Variants in OAS2 observed in about 807,000 individuals in gnomAD.
The protein encoded by OAS2 is 2'-5'-oligoadenylate synthase 2.
In OAS2, 67 loss-of-function variants were observed where a neutral mutation model predicts 71.3. The ratio of observed to expected loss-of-function variants is 0.94; its 90% CI spans 0.77 to 1.15. The LOEUF (loss-of-function observed/expected upper bound fraction) is 1.15, where lower values mean the gene tolerates loss of function less well. OAS2 is among the 50% of genes most tolerant of loss of function. OAS2 has a pLI of 0.00. For synonymous variants in OAS2, 327 were observed against 321.8 expected, an observed-to-expected ratio of 1.02 and a Z score of -0.17; for missense variants, 789 against 822.5, an observed-to-expected ratio of 0.96 and a Z score of 0.50.
chr12:112,998,633 C>G (rs538686662), intron 5 of OAS2, among the ~76,000 whole-genome samples: 1 of 152,312 alleles, frequency 6.6e-6, no homozygotes, highest in East Asian at 1.9e-4. Context: ...TCTGCAGGCC[C>G]TAGGGAAGAA....
Position 113,007,794 on chromosome 12 carries a change from A to G in OAS2, c.1746A>G (p.Gly582=), listed in dbSNP as rs377668159. The change falls in exon 9 of 10, where the codon GGA becomes GGG. Residue 582 remains glycine, a synonymous_variant. Transcript: ENST00000392583. ...TCTATGCCTGGGAGCAGGGGAGTGGAGTGCCGGATTTTGACACTGCAGAAG... is the reference window on the plus strand; with the variant it reads ...TCTATGCCTGGGAGCAGGGGAGTGGGGTGCCGGATTTTGACACTGCAGAAG... ...LTIYAWEQGS[G]VPDFDTAEGF... 2.4e-5 allele frequency: 38 copies of G among 1,614,064 alleles called. No homozygotes were observed. In the African/African-American group the frequency reaches 4.1e-4, roughly 18 times the overall value.
At chr12:112,985,333 C>T (rs548474176) in intron 1 of OAS2, among the ~76,000 whole-genome samples, 2 of 152,276 alleles carry the variant, frequency 1.3e-5, no homozygotes, top group African/African-American at 4.8e-5. Flanking sequence ...AGGCTTTCTT[C>T]ACTCATTTTT....
chr12:113,005,416 GC>G (rs2044323051), intron 7 of OAS2, among the ~76,000 whole-genome samples, 194 bp downstream of exon 7: 1 of 152,016 alleles, frequency 6.6e-6, no homozygotes, highest in Admixed American at 6.6e-5. Context: ...CAAGCATGGG[GC>G]TGTGTGCCTA....
In OAS2 at chr12:112,997,633, C is replaced by T. The variant is rs186959227; in HGVS notation, c.741C>T (p.Gly247=). 105 of 1,614,094 alleles carry T rather than the reference C, an allele frequency of 6.5e-5. No individual in the cohort carries two copies. In the East Asian group the frequency reaches 1.6e-3, roughly 25 times the overall value. ...CRKDNFDIAE[G]VRTVLELIKC... ...AAGACAACTTTGACATTGCTGAAGGCGTCAGAACCGTACTGGAGCTGATCA... is the reference window on the plus strand; with the variant it reads ...AAGACAACTTTGACATTGCTGAAGGTGTCAGAACCGTACTGGAGCTGATCA... The change falls in exon 4 of 10, where the codon GGC becomes GGT. Residue 247 remains glycine, a synonymous_variant. Transcript: ENST00000392583.
chr12:113,003,174 G>A (rs1593204959), intron 6 of OAS2, 72 bp downstream of exon 6: 13 of 1,497,130 alleles, frequency 8.7e-6, no homozygotes, highest in East Asian at 2.3e-5. Context: ...GAGGTAAGTG[G>A]GCATTGTAGC....
chr12:112,984,240 T>C (rs377200585), intron 1 of OAS2, among the ~76,000 whole-genome samples: 4 of 152,244 alleles, frequency 2.6e-5, no homozygotes, highest in African/African-American at 7.2e-5. Flanking sequence ...AATATACATA[T>C]ACATATATAT....
intron 4 of OAS2, 99 bp downstream of exon 4, chr12:112,997,854 C>T (rs2136387805): frequency 7.9e-6 from 8 of 1,017,384 alleles, no homozygotes; most frequent in Middle Eastern, 3.3e-4. Flanking sequence ...CAAGCCAGTG[C>T]TGGACCAGAA....
chr12:112,985,958 C>A (rs1683772217), intron 1 of OAS2, among the ~76,000 whole-genome samples: 1 of 152,092 alleles, frequency 6.6e-6, no homozygotes, highest in Non-Finnish European at 1.5e-5. Context: ...GGTGACAGAG[C>A]AAGACCCTGT....
At chr12:112,980,086 G>A (rs2044066500) in intron 1 of OAS2, among the ~76,000 whole-genome samples, 2 of 151,694 alleles carry the variant, frequency 1.3e-5, no homozygotes, top group African/African-American at 4.8e-5. Flanking sequence ...ATTCCATTAT[G>A]TGAATATTCC....
At position 113,009,368 on chromosome 12, in the gene OAS2, G is replaced by T. The variant is rs2044361238; in HGVS notation, c.*113G>T. 2.6e-6 allele frequency: 4 copies of T among 1,521,844 alleles called. No homozygotes were observed. Among genetic ancestry groups the T allele is most frequent in the Non-Finnish European group, 3.5e-6 (4 of 1,140,616 alleles). 94.3% of individuals were successfully genotyped at this position (1,521,844 alleles called of 1,614,324 possible). A position where few individuals can be genotyped will look rare whatever the true frequency, so the allele number is the denominator to read the frequency against. ...AATAAAGGAAACCCAGCTCACAGGAGCTTAAACAGCTGGTCAGCCCCCTAA... is the reference window on the plus strand; with the variant it reads ...AATAAAGGAAACCCAGCTCACAGGATCTTAAACAGCTGGTCAGCCCCCTAA... On this transcript the variant is annotated 3_prime_UTR_variant, in exon 10 of 10. Coordinates refer to ENST00000392583, the MANE Select transcript of OAS2 (RefSeq NM_002535.3).
rs750345576 is a variant in OAS2, at chr12:113,005,031, A to G, written c.1277A>G (p.Asn426Ser). Residue 426 changes from asparagine to serine, a missense_variant, in exon 7 of 10, where the codon AAC becomes AGC. Transcript: ENST00000392583. ...CTTAAAAGCTACACCTCCCAAAAAA[A>G]CGAGCGGCACAAAATCGTCAAGGAA... ...NSLKSYTSQK[N>S]ERHKIVKEIH... 2.5e-6 allele frequency: 4 copies of G among 1,614,084 alleles called. No homozygotes were observed. The African/African-American group carries it at 4.0e-5, about 16-fold the overall frequency.
Position 112,987,101 on chromosome 12 carries a change from T to C in OAS2, c.241T>C (p.Phe81Leu). Residue 81 changes from phenylalanine (F) to leucine (L), a missense_variant, in exon 2 of 10, where the codon TTC becomes CTC. Phe to Leu is a conservative substitution (Grantham distance 22, BLOSUM62 0). Coordinates refer to ENST00000392583, the MANE Select transcript of OAS2 (RefSeq NM_002535.3). ...GNSDGTLVLF[F>L]SDLKQFQDQK... Reference sequence around the variant, plus strand: ...CTCCGATGGTACCCTTGTCCTCTTCTTCAGTGACTTAAAACAATTCCAGGA... The same window carrying C: ...CTCCGATGGTACCCTTGTCCTCTTCCTCAGTGACTTAAAACAATTCCAGGA... The C allele has an allele frequency of 6.2e-7, 1 of 1,614,128 alleles. No homozygotes were observed. Among genetic ancestry groups the C allele is most frequent in the Non-Finnish European group, 8.5e-7 (1 of 1,180,006 alleles).
At position 113,010,541 on chromosome 12, in the gene OAS2, C is replaced by T; in HGVS notation, c.*1286C>T. 6.3e-7 allele frequency: 1 copy of T among 1,592,352 alleles called. No individual in the cohort carries two copies. Among genetic ancestry groups the T allele is most frequent in the South Asian group, 1.1e-5 (1 of 88,532 alleles). On this transcript the variant is annotated 3_prime_UTR_variant, in exon 10 of 10. Coordinates refer to ENST00000392583, the MANE Select transcript of OAS2 (RefSeq NM_002535.3). ...GCTCACCGTGAGAAAGAGTCACTCA[C>T]ATCCATTCTTCCCTTGATGGTCCCT...
chr12:112,989,248 C>T (rs1185105256), intron 2 of OAS2, among the ~76,000 whole-genome samples: 1 of 152,198 alleles, frequency 6.6e-6, no homozygotes, highest in Non-Finnish European at 1.5e-5. Flanking sequence ...CTCTGGCCTC[C>T]CACCATGTAA....
chr12:112,978,843 A>C lies in OAS2; in HGVS notation c.177+58A>C, dbSNP rs1000634340. On this transcript the variant is annotated intron_variant, in intron 1 of 9. Transcript: ENST00000392583. The surrounding 1 kb of genome is among the most constrained non-coding windows in gnomAD (Gnocchi z 4.2). ...GGCAGGAGATTCCACGGCGGCAGCA[A>C]GGCCGAGCTACTGGGTGCTGGGTGC... The C allele has an allele frequency of 1.9e-6, 3 of 1,544,186 alleles. No individual in the cohort carries two copies. Among genetic ancestry groups the C allele is most frequent in the Non-Finnish European group, 2.6e-6 (3 of 1,136,148 alleles).
intron 2 of OAS2, chr12:112,988,805 A>C (rs1593197511): frequency 7.3e-6 from 6 of 826,660 alleles, no homozygotes; most frequent in Non-Finnish European, 8.8e-6. Context: ...CTTTCACCAT[A>C]CTCTGTACCT....
chr12:112,987,229 C>T lies in OAS2; in HGVS notation c.369C>T (p.Ser123=). The T allele has an allele frequency of 1.2e-6, 2 of 1,614,088 alleles. No homozygotes were observed. The highest frequency in any genetic ancestry group is 1.7e-6 in the Non-Finnish European group (2 of 1,180,028). ...WLKNNFEIQK[S]LDGFTIQVFT... ...AAAACAATTTCGAGATCCAGAAGTC[C>T]CTTGATGGGTTCACCATCCAGGTGT... Residue 123 remains serine (S), a synonymous_variant, in exon 2 of 10, where the codon TCC becomes TCT. Coordinates refer to ENST00000392583, the MANE Select transcript of OAS2 (RefSeq NM_002535.3).
At chr12:112,983,062 C>T (rs186257182) in intron 1 of OAS2, among the ~76,000 whole-genome samples, 4 of 151,990 alleles carry the variant, frequency 2.6e-5, no homozygotes, top group Non-Finnish European at 4.4e-5. Flanking sequence ...TGGGTCTTCT[C>T]TTTTTTTAGT....
chr12:113,004,951 A>G lies in OAS2; in HGVS notation c.1197A>G (p.Lys399=), dbSNP rs779485883. The G allele has an allele frequency of 2.5e-6, 4 of 1,613,968 alleles. No individual in the cohort carries two copies. The Admixed American group carries it at 6.7e-5, about 27-fold the overall frequency. Residue 399 remains lysine (K), a synonymous_variant, in exon 7 of 10, where the codon AAA becomes AAG. Transcript: ENST00000392583. ...TTCCTTAGGGAGGATCAACCGCCAAAGGCACAGCTCTGAAGACTGGCTCTG... is the reference window on the plus strand; with the variant it reads ...TTCCTTAGGGAGGATCAACCGCCAAGGGCACAGCTCTGAAGACTGGCTCTG... ...IQIVRGGSTA[K]GTALKTGSDA...
Sources: gnomAD v4.1 joint callset for allele counts (sites outside exome capture counted in the v4.1 genomes callset) on GRCh38, gnomAD v4.1.1 for gene constraint, Gnocchi (gnomAD v3.1) non-coding constraint, MANE v1.5 for transcripts, NCBI Gene and HGNC (gene_info 2026-07-23, HGNC 2026-07-21) for gene names.